UBR3: variants seen among roughly 807,000 people sequenced by gnomAD.
UBR3 encodes ubiquitin protein ligase E3 component n-recognin 3, also known as E3 ubiquitin-protein ligase UBR3.
UBR3 carries 85 observed loss-of-function variants against 243.2 expected under a neutral mutation model. That is an observed-to-expected ratio of 0.35 (90% CI 0.29 to 0.42). UBR3 has a LOEUF of 0.42. Among genes scored for constraint, UBR3 ranks in the 10% least tolerant of loss-of-function variants. UBR3 has a pLI of 1.00. For missense variants in UBR3, 1,686 were observed against 2,300.8 expected (o/e 0.73, Z 5.47); for synonymous variants, 748 against 799.8 (o/e 0.94, Z 1.09).
intron 1 of UBR3, among the ~76,000 whole-genome samples, chr2:169,860,942 T>C (rs2083066842): frequency 6.6e-6 from 1 of 152,162 alleles, no homozygotes; most frequent in African/African-American, 2.4e-5. Context: ...CGAGAGCCCC[T>C]GGCAAACCGC....
intron 30 of UBR3, among the ~76,000 whole-genome samples, chr2:170,021,504 T>C (rs1481848021): frequency 6.6e-6 from 1 of 152,088 alleles, no homozygotes; most frequent in African/African-American, 2.4e-5. Context: ...AGAGCACTAA[T>C]CCCATTCATG....
At position 169,973,713 on chromosome 2, in the gene UBR3, G is replaced by T. The variant is rs77616653; in HGVS notation, c.3635-12932G>T. Among the ~76,000 whole-genome samples, 862 of 152,216 alleles carry T rather than the reference G, an allele frequency of 5.7e-3. 6 individuals are homozygous for T. Among genetic ancestry groups the T allele is most frequent in the African/African-American group, 0.019 (809 of 41,526 alleles). ...ATTATTTCTCTTGCCTAAATGCTCT[G>T]GCTAAGACTTTCAGTTCTGTGTTGG... On this transcript the variant is annotated intron_variant, in intron 24 of 38. Coordinates refer to ENST00000272793, the MANE Select transcript of UBR3 (RefSeq NM_172070.4).
intron 1 of UBR3, among the ~76,000 whole-genome samples, chr2:169,841,100 C>A (rs377459323): frequency 1.3e-5 from 2 of 152,130 alleles, no homozygotes; most frequent in East Asian, 3.9e-4. Flanking sequence ...CTTTGCCACG[C>A]CCTTGGATTT....
In UBR3 at chr2:169,994,340, G is replaced by A. The variant is rs1423378720; in HGVS notation, c.3802G>A (p.Asp1268Asn). The A allele has an allele frequency of 1.9e-6, 3 of 1,613,964 alleles. No individual in the cohort carries two copies. The highest frequency in any genetic ancestry group is 2.7e-5 in the African/African-American group (2 of 74,886). Residue 1268 changes from aspartate (D) to asparagine (N), a missense_variant, in exon 26 of 39, where the codon GAC becomes AAC. Coordinates refer to ENST00000272793, the MANE Select transcript of UBR3 (RefSeq NM_172070.4). ...TAATGTAGTTTTGGGGCAGTGCCGT[G>A]ACAATGTTGAGCCAAAAAAGTTGCC... ...QASSVLGQCR[D>N]NVEPKKLPIS...
At chr2:169,909,933 C>T (rs2085186333) in intron 10 of UBR3, among the ~76,000 whole-genome samples, 1 of 151,950 alleles carries the variant, frequency 6.6e-6, no homozygotes. Context: ...AATCTACAGG[C>T]TTGGTGATGG....
At chr2:169,983,250 TCC>T (rs1367562136) in intron 24 of UBR3, among the ~76,000 whole-genome samples, 2 of 127,372 alleles carry the variant, frequency 1.6e-5, no homozygotes, top group African/African-American at 2.9e-5. Flanking sequence ...ACATTCTCTC[TCC>T]TTTTTTTTTT....
Position 169,914,021 on chromosome 2 carries a change from A to C in UBR3, c.1780-39A>C, listed in dbSNP as rs186176049. On this transcript the variant is annotated intron_variant, in intron 10 of 38. Coordinates refer to ENST00000272793, the MANE Select transcript of UBR3 (RefSeq NM_172070.4). ...AATTTAATGTTGAAAATATATGTTTATATATCATAAATTTATTATATATAA... is the reference window on the plus strand; with the variant it reads ...AATTTAATGTTGAAAATATATGTTTCTATATCATAAATTTATTATATATAA... 4.6e-4 allele frequency: 444 copies of C among 957,770 alleles called. 4 individuals are homozygous for C. In the African/African-American group the frequency reaches 7.1e-3, roughly 15 times the overall value. The allele number at this position is 957,770 out of a possible 1,614,324, so 59.3% of individuals were successfully genotyped here. A position where few individuals can be genotyped will look rare whatever the true frequency, so the allele number is the denominator to read the frequency against.
intron 19 of UBR3, among the ~76,000 whole-genome samples, chr2:169,933,590 C>T: frequency 6.6e-6 from 1 of 152,040 alleles, no homozygotes; most frequent in Non-Finnish European, 1.5e-5. Context: ...CTTTTTAAAC[C>T]TTAATAGTTA....
intron 26 of UBR3, among the ~76,000 whole-genome samples, chr2:170,000,533 TTGG>T (rs1206858011): frequency 6.6e-6 from 1 of 152,252 alleles, no homozygotes; most frequent in East Asian, 1.9e-4. Flanking sequence ...GCTTTCTGAC[TTGG>T]TGACTAAATA....
intron 1 of UBR3, among the ~76,000 whole-genome samples, chr2:169,851,601 C>T (rs1367401313): frequency 6.6e-6 from 1 of 152,108 alleles, no homozygotes; most frequent in Non-Finnish European, 1.5e-5. Context: ...CACGGTGGCT[C>T]ATGCCTGTAA....
chr2:169,914,143 C>A lies in UBR3; in HGVS notation c.1863C>A (p.Asp621Glu). ...GGTTTGATGCTATTAACTTCGTAGA[C>A]GAGGTATGTATATTTTTGATGTATG... ...QDWFDAINFVDEPAPNQVTFH... is the reference protein window; with the variant it reads ...QDWFDAINFVEEPAPNQVTFH... The change falls in exon 11 of 39, where the codon GAC (aspartate) becomes GAA (glutamate). Residue 621 changes from aspartate to glutamate, a missense_variant. Around this residue, in one of 8 missense-constraint regions of UBR3, gnomAD observed 346 missense variants for 585.8 expected, o/e 0.59. Coordinates refer to ENST00000272793, the MANE Select transcript of UBR3 (RefSeq NM_172070.4). The A allele has an allele frequency of 6.7e-7, 1 of 1,489,116 alleles. No individual in the cohort carries two copies. The highest frequency in any genetic ancestry group is 1.4e-5 in the South Asian group (1 of 73,010). The allele number at this position is 1,489,116 out of a possible 1,614,324, so 92.2% of individuals were successfully genotyped here. A position where few individuals can be genotyped will look rare whatever the true frequency, so the allele number is the denominator to read the frequency against.
chr2:169,902,708 C>T (rs13016365), intron 8 of UBR3, among the ~76,000 whole-genome samples: 64,102 of 151,192 alleles, frequency 0.42, 15,124 homozygotes, highest in Non-Finnish European at 0.54. Flanking sequence ...CTCCCGGGTT[C>T]AAGTGATTCT....
chr2:169,989,915 A>C (rs2089198914), intron 25 of UBR3, among the ~76,000 whole-genome samples: 1 of 152,154 alleles, frequency 6.6e-6, no homozygotes, highest in East Asian at 1.9e-4. Context: ...AGGCTAGAGT[A>C]GTAAGTAGCC....
chr2:169,845,502 TC>T, intron 1 of UBR3, among the ~76,000 whole-genome samples: 1 of 16,008 alleles, frequency 6.2e-5, no homozygotes, highest in African/African-American at 1.2e-4. Flanking sequence ...TTCGTCGTCA[TC>T]GTCGTCGTCG....
chr2:169,859,737 A>T (rs1245891705), intron 1 of UBR3, among the ~76,000 whole-genome samples: 1 of 149,682 alleles, frequency 6.7e-6, no homozygotes, highest in Non-Finnish European at 1.5e-5. Context: ...TATTTTTGAG[A>T]TGGAGTTTCA....
At chr2:169,885,661 C>T (rs1483506374) in intron 5 of UBR3, among the ~76,000 whole-genome samples, 1 of 151,876 alleles carries the variant, frequency 6.6e-6, no homozygotes, top group Non-Finnish European at 1.5e-5. Context: ...ATAAATTTTG[C>T]TTGTTTACTT....
rs568232379 is a variant in UBR3 at position 169,880,083 on chromosome 2, T to C, written c.1038+1509T>C. Among the ~76,000 whole-genome samples the C allele has an allele frequency of 2.6e-5, 4 of 152,260 alleles. No individual in the cohort carries two copies. The East Asian group carries it at 7.7e-4, about 29-fold the overall frequency. On this transcript the variant is annotated intron_variant, in intron 5 of 38. Transcript: ENST00000272793. ...TTTTGTGGGGAGGTGGAATGGCCTA[T>C]TAAAAGGCGAGTTCTCAGAGTAGGA...
At chr2:169,881,133 G>C (rs961029599) in intron 5 of UBR3, among the ~76,000 whole-genome samples, 3 of 152,072 alleles carry the variant, frequency 2.0e-5, no homozygotes, top group African/African-American at 7.2e-5. Flanking sequence ...AGCATGTGAT[G>C]TATATTTAAT....
In UBR3 at chr2:169,944,161, A is replaced by C. The variant is rs182240097; in HGVS notation, c.2805+1527A>C. ...ATGGACAGTCTTTGAATGTTTACTT[A>C]GTGCCAGATTTTGTTTGAAATGCTT... On this transcript the variant is annotated intron_variant, in intron 20 of 38. Transcript: ENST00000272793. Among the ~76,000 whole-genome samples, 3 of 152,324 alleles carry C rather than the reference A, an allele frequency of 2.0e-5. No individual in the cohort carries two copies. In the East Asian group the frequency reaches 5.8e-4, roughly 29 times the overall value.
Sources: allele counts gnomAD v4.1 joint callset (sites outside exome capture counted in the v4.1 genomes callset), GRCh38; gene constraint gnomAD v4.1.1; regional missense constraint gnomAD v4.1.1; transcripts MANE v1.5; gene names NCBI Gene and HGNC (gene_info 2026-07-23, HGNC 2026-07-21).